The following DLGAP2 variants were observed in gnomAD, a reference collection of about 807,000 sequenced individuals.
DLGAP2 encodes disks large-associated protein 2.
Under a neutral mutation model 100.3 loss-of-function variants are expected in DLGAP2, and 26 were observed. The ratio of observed to expected loss-of-function variants is 0.26; its 90% CI spans 0.19 to 0.36. The LOEUF is 0.36. Among genes scored for constraint, DLGAP2 ranks in the 10% least tolerant of loss-of-function variants. The pLI is 1.00. For synonymous variants in DLGAP2, 886 were observed against 630.1 expected (o/e 1.41, Z -6.08); for missense variants, 1,858 against 1,453.2 (o/e 1.28, Z -4.53).
At chr8:1,689,145 T>C (rs1200799098) in intron 12 of DLGAP2, among the ~76,000 whole-genome samples, 1 of 152,214 alleles carries the variant, frequency 6.6e-6, no homozygotes, top group Admixed American at 6.5e-5. Flanking sequence ...TTCACTTCCC[T>C]GGACCTCGGT....
chr8:848,232 A>T (rs1414710820), intron 1 of DLGAP2, among the ~76,000 whole-genome samples: 1 of 152,198 alleles, frequency 6.6e-6, no homozygotes, highest in African/African-American at 2.4e-5. Context: ...TCAATAGTTG[A>T]TTTTTATAAA....
chr8:1,257,404 G>A (rs572516871), intron 2 of DLGAP2, among the ~76,000 whole-genome samples: 9 of 151,918 alleles, frequency 5.9e-5, no homozygotes, highest in East Asian at 3.9e-4. Context: ...CCTCCTGAAC[G>A]CCCTCCGCTC....
intron 2 of DLGAP2, among the ~76,000 whole-genome samples, chr8:1,029,386 G>A (rs1023945751): frequency 7.2e-5 from 11 of 152,226 alleles, no homozygotes; most frequent in Non-Finnish European, 1.5e-5. Context: ...GGCAAAGAGT[G>A]GCCGAGGTAC....
intron 1 of DLGAP2, among the ~76,000 whole-genome samples, chr8:775,415 CCT>C (rs2132614973): frequency 6.8e-6 from 1 of 145,986 alleles, no homozygotes; most frequent in African/African-American, 2.5e-5. Flanking sequence ...AGAGGGCATC[CCT>C]GTCTTGTGCC....
rs908036888 is a variant in DLGAP2, at chr8:824,233, C to T, written c.19-83679C>T. On this transcript the variant is annotated intron_variant, in intron 1 of 14. Transcript: ENST00000637795. ...GGGCCTATAAGTACTTGCCACCATG[C>T]CTGGCTAATTTTTGTATTTTTTTGT... Among the ~76,000 whole-genome samples, 3 of 152,040 alleles carry T rather than the reference C, an allele frequency of 2.0e-5. No homozygotes were observed. In the East Asian group the frequency reaches 5.8e-4, roughly 29 times the overall value.
intron 2 of DLGAP2, among the ~76,000 whole-genome samples, chr8:1,039,492 C>T (rs1490313147): frequency 1.5e-4 from 20 of 137,276 alleles, no homozygotes; most frequent in Non-Finnish European, 2.6e-4. Flanking sequence ...GTGGTCGGCT[C>T]GGTGTGCATG....
intron 2 of DLGAP2, among the ~76,000 whole-genome samples, chr8:1,251,306 A>G (rs1327930407): frequency 1.3e-5 from 2 of 152,238 alleles, no homozygotes; most frequent in African/African-American, 4.8e-5. Context: ...TTTTCTATGA[A>G]TATTAAGTCA....
At chr8:1,691,172 G>C (rs1450520788) in intron 12 of DLGAP2, among the ~76,000 whole-genome samples, 1 of 152,194 alleles carries the variant, frequency 6.6e-6, no homozygotes, top group African/African-American at 2.4e-5. Context: ...GGAAGAACTC[G>C]ATGTTGCTTT....
At chr8:1,317,038 G>A (rs111280314) in intron 3 of DLGAP2, among the ~76,000 whole-genome samples, 1 of 97,066 alleles carries the variant, frequency 1.0e-5, no homozygotes, top group Non-Finnish European at 2.0e-5. Context: ...AAAATAGAGC[G>A]TGTGCGAGTG....
chr8:1,586,158 C>T (rs1361427082), intron 6 of DLGAP2, among the ~76,000 whole-genome samples: 2 of 152,376 alleles, frequency 1.3e-5, no homozygotes, highest in Middle Eastern at 3.4e-3. Flanking sequence ...GCCGAGGTGT[C>T]GGCAGCCTGC....
chr8:938,062 G>A (rs568866001), intron 2 of DLGAP2, among the ~76,000 whole-genome samples: 5 of 152,200 alleles, frequency 3.3e-5, no homozygotes, highest in East Asian at 1.9e-4. Flanking sequence ...AGGCCCTGCC[G>A]TGCACTGTGA....
In DLGAP2 at chr8:1,175,267, G is replaced by A. The variant is rs568320983; in HGVS notation, c.74-83584G>A. On this transcript the variant is annotated intron_variant, in intron 2 of 14. Transcript: ENST00000637795. ...TTTAAAAAAAAAACCTAAGAAGTGTGTTAAATTTAGCCCAATAGTGCATTT... is the reference window on the plus strand; with the variant it reads ...TTTAAAAAAAAAACCTAAGAAGTGTATTAAATTTAGCCCAATAGTGCATTT... 4.6e-5 allele frequency among the ~76,000 whole-genome samples: 7 copies of A among 152,156 alleles called. No homozygotes were observed. In the East Asian group the frequency reaches 1.4e-3, roughly 29 times the overall value.
chr8:1,594,827 C>G (rs966493763), intron 6 of DLGAP2, among the ~76,000 whole-genome samples: 1 of 152,150 alleles, frequency 6.6e-6, no homozygotes, highest in Non-Finnish European at 1.5e-5. Context: ...ACACTCATTC[C>G]TGCCCCTGAT....
rs60526250 is a variant in DLGAP2, at chr8:816,275, G to GTT, written c.18+78462_18+78463dup. On this transcript the variant is annotated intron_variant, in intron 1 of 14. Coordinates refer to ENST00000637795, the MANE Select transcript of DLGAP2 (RefSeq NM_001346810.2). The stretch of plus-strand genomic sequence containing the variant: ...GCTATTTGTTTCCTGAATACCTTGG[G>GTT]TTTTTTTTTTTTTCATTGCATTGTT... Among the ~76,000 whole-genome samples, 518 of 144,988 alleles carry GTT rather than the reference G, an allele frequency of 3.6e-3. 13 individuals carry two copies. The South Asian group carries it at 0.052, about 15-fold the overall frequency.
chr8:938,645 A>G (rs1384997098), intron 2 of DLGAP2, among the ~76,000 whole-genome samples: 1 of 152,226 alleles, frequency 6.6e-6, no homozygotes, highest in East Asian at 1.9e-4. Context: ...CCTCCTGCTC[A>G]GAAGCCAGAG....
At chr8:1,626,652 C>G (rs1399669980) in intron 6 of DLGAP2, 88 bp from the exon 7 acceptor site, 10 of 1,510,096 alleles carry the variant, frequency 6.6e-6, no homozygotes, top group Non-Finnish European at 8.9e-6. Context: ...GGTGCTCAGC[C>G]TCTGGGTGTG....
At chr8:793,451 G>A (rs1364441331) in intron 1 of DLGAP2, among the ~76,000 whole-genome samples, 1 of 152,228 alleles carries the variant, frequency 6.6e-6, no homozygotes. Flanking sequence ...GCTCTCCTTG[G>A]GCTGCCATAG....
chr8:1,098,792 C>G (rs529172633), intron 2 of DLGAP2, among the ~76,000 whole-genome samples: 2,621 of 129,616 alleles, frequency 0.02, 116 homozygotes, highest in African/African-American at 0.068. Context: ...TCCCGGCCGC[C>G]CACGGACGCC....
At chr8:1,582,828 C>A (rs1795987281) in intron 6 of DLGAP2, among the ~76,000 whole-genome samples, 1 of 152,148 alleles carries the variant, frequency 6.6e-6, no homozygotes, top group South Asian at 2.1e-4. Context: ...AAACTCCTGA[C>A]CTGAAATGGC....
Sources: gnomAD v4.1 joint callset for allele counts (sites outside exome capture counted in the v4.1 genomes callset) on GRCh38, gnomAD v4.1.1 for gene constraint, MANE v1.5 for transcripts, NCBI Gene and HGNC (gene_info 2026-07-23, HGNC 2026-07-21) for gene names.